The following KDM3B variants were observed in gnomAD, a reference collection of about 807,000 sequenced individuals.
KDM3B encodes the protein lysine-specific demethylase 3B.
KDM3B carries 10 observed loss-of-function variants against 170.0 expected under a neutral mutation model. The ratio of observed to expected loss-of-function variants is 0.06; its 90% CI spans 0.04 to 0.10. KDM3B has a LOEUF of 0.10. KDM3B is among the 10% of genes least tolerant of loss of function. The pLI is 1.00. For synonymous variants in KDM3B, 831 were observed against 834.8 expected (o/e 1.00, Z 0.08); for missense variants, 1,394 against 2,195.2 (o/e 0.64, Z 7.29).
chr5:138,405,539 C>G (rs534198585), intron 11 of KDM3B, among the ~76,000 whole-genome samples: 1 of 151,990 alleles, frequency 6.6e-6, no homozygotes, highest in Non-Finnish European at 1.5e-5. Context: ...ACCATTCTAG[C>G]AGCTTTTCTC....
chr5:138,356,753 C>T lies in KDM3B; in HGVS notation c.192+3766C>T, dbSNP rs139464096. The stretch of plus-strand genomic sequence containing the variant: ...TGCCTCCCGGGTTCAAGCGATTCTC[C>T]TGCCTCAGCCTCCCGAGTAGTTGGG... On this transcript the variant is annotated intron_variant, in intron 1 of 23. Transcript: ENST00000314358. 2.4e-3 allele frequency among the ~76,000 whole-genome samples: 369 copies of T among 150,982 alleles called. 2 individuals carry two copies. Among genetic ancestry groups the T allele is most frequent in the African/African-American group, 7.9e-3 (324 of 41,092 alleles).
At chr5:138,393,103 A>G in intron 8 of KDM3B, 68 bp from the exon 9 acceptor site, 6 of 1,462,020 alleles carry the variant, frequency 4.1e-6, no homozygotes, top group Non-Finnish European at 5.7e-6. Flanking sequence ...TCTGTCCCCA[A>G]AAGAATCATG....
At chr5:138,364,300 G>A (rs1362038457) in intron 1 of KDM3B, among the ~76,000 whole-genome samples, 1 of 152,032 alleles carries the variant, frequency 6.6e-6, no homozygotes, top group Non-Finnish European at 1.5e-5. Context: ...TTTTCCACAG[G>A]TAATTCATGT....
chr5:138,405,466 A>G (rs757522155), intron 11 of KDM3B, among the ~76,000 whole-genome samples: 1 of 152,112 alleles, frequency 6.6e-6, no homozygotes, highest in Non-Finnish European at 1.5e-5. Flanking sequence ...TCATCACTTC[A>G]CTGCACTCTA....
At chr5:138,380,405 T>C in intron 5 of KDM3B, among the ~76,000 whole-genome samples, 1 of 149,362 alleles carries the variant, frequency 6.7e-6, no homozygotes, top group East Asian at 1.9e-4. Context: ...TAGTAACAAA[T>C]AAGATCATAT....
chr5:138,387,578 T>A (rs892605857), intron 7 of KDM3B, among the ~76,000 whole-genome samples: 15 of 152,126 alleles, frequency 9.9e-5, no homozygotes, highest in African/African-American at 3.6e-4. Context: ...CTTCTTTCCC[T>A]CCCCAACAAG....
intron 9 of KDM3B, among the ~76,000 whole-genome samples, chr5:138,394,007 A>T (rs1261981661): frequency 6.6e-6 from 1 of 152,142 alleles, no homozygotes; most frequent in Non-Finnish European, 1.5e-5. Context: ...ATGTGTGCCA[A>T]CCCTTGTTCT....
At chr5:138,428,235 G>A in intron 20 of KDM3B, 149 bp downstream of exon 20, 1 of 824,680 alleles carries the variant, frequency 1.2e-6, no homozygotes, top group Non-Finnish European at 1.9e-6. Context: ...GGGAGGCAGA[G>A]TCTCGCTCTG....
intron 3 of KDM3B, among the ~76,000 whole-genome samples, chr5:138,376,376 C>T (rs1007219189): frequency 2.6e-5 from 4 of 152,080 alleles, no homozygotes; most frequent in Non-Finnish European, 5.9e-5. Context: ...TAAAACCGCC[C>T]AAGATTTAAG....
At chr5:138,370,959 C>T (rs1406454797) in intron 1 of KDM3B, among the ~76,000 whole-genome samples, 1 of 152,116 alleles carries the variant, frequency 6.6e-6, no homozygotes, top group East Asian at 1.9e-4. Flanking sequence ...TAGGTGCCCA[C>T]CATCATACCC....
intron 1 of KDM3B, among the ~76,000 whole-genome samples, chr5:138,360,553 A>G (rs1182325656): frequency 1.1e-5 from 1 of 92,696 alleles, no homozygotes; most frequent in Non-Finnish European, 2.5e-5. Context: ...TGTGTGTGTG[A>G]ATTTTAATAG....
Position 138,420,755 on chromosome 5 carries a change from T to C in KDM3B, c.3765T>C (p.Phe1255=), listed in dbSNP as rs760707162. Residue 1255 remains phenylalanine (F), a synonymous_variant, in exon 15 of 24, where the codon TTT becomes TTC. Transcript: ENST00000314358. ...TCAATAAAGAGTCTCATTCACCCTT[T>C]GGGCTGGACTCGTTCAACTCCACTG... ...SVLNKESHSP[F]GLDSFNSTAK... is the part of the protein sequence containing the mutation. The C allele has an allele frequency of 2.5e-6, 4 of 1,614,162 alleles. No homozygotes were observed. The highest frequency in any genetic ancestry group is 3.3e-5 in the Admixed American group (2 of 60,004).
intron 11 of KDM3B, among the ~76,000 whole-genome samples, chr5:138,401,875 A>G (rs141140550): frequency 6.6e-6 from 1 of 151,646 alleles, no homozygotes; most frequent in East Asian, 1.9e-4. Flanking sequence ...GTGACTAACG[A>G]TGTTGAGTAT....
chr5:138,373,210 C>T (rs370468293), intron 2 of KDM3B, among the ~76,000 whole-genome samples: 4 of 152,124 alleles, frequency 2.6e-5, no homozygotes, highest in Admixed American at 1.3e-4. Context: ...TCTGGTGGCA[C>T]ATGTCTGTGG....
intron 1 of KDM3B, among the ~76,000 whole-genome samples, chr5:138,357,225 A>G (rs1761473881): frequency 6.6e-6 from 1 of 151,154 alleles, no homozygotes; most frequent in East Asian, 2.0e-4. Flanking sequence ...GGGCTCAAGC[A>G]GTTGCCTGCC....
intron 4 of KDM3B, among the ~76,000 whole-genome samples, chr5:138,378,806 T>TATATATATAG (rs982588563): frequency 1.3e-5 from 2 of 149,024 alleles, no homozygotes; most frequent in Non-Finnish European, 3.0e-5. Context: ...TATCATGATA[T>TATATATATAG]ATATATATAG....
intron 5 of KDM3B, among the ~76,000 whole-genome samples, chr5:138,380,051 G>A (rs1322631604): frequency 2.0e-5 from 3 of 152,176 alleles, no homozygotes; most frequent in East Asian, 3.9e-4. Context: ...GCAGTGGTGC[G>A]ATCACAGCTC....
In KDM3B at chr5:138,430,842, A is replaced by G. The variant is rs373262142; in HGVS notation, c.5070+417A>G. On this transcript the variant is annotated intron_variant, in intron 22 of 23. Coordinates refer to ENST00000314358, the MANE Select transcript of KDM3B (RefSeq NM_016604.4). ...GAGGTGGAGGTTGCAGTGAGCCAAG[A>G]TCGCACCATTGCACTCCAGCCTGGG... 2.6e-5 allele frequency among the ~76,000 whole-genome samples: 4 copies of G among 152,292 alleles called. No homozygotes were observed. The East Asian group carries it at 5.8e-4, about 22-fold the overall frequency.
chr5:138,370,814 T>G (rs373162434), intron 1 of KDM3B, among the ~76,000 whole-genome samples: 4 of 151,994 alleles, frequency 2.6e-5, no homozygotes, highest in African/African-American at 9.7e-5. Flanking sequence ...GAGTTTGTTT[T>G]TTTTTTTTTC....
Sources: gnomAD v4.1 joint callset for allele counts (sites outside exome capture counted in the v4.1 genomes callset) on GRCh38, gnomAD v4.1.1 for gene constraint, MANE v1.5 for transcripts, NCBI Gene and HGNC (gene_info 2026-07-23, HGNC 2026-07-21) for gene names.